The following OR4C6 variants were observed in gnomAD, a reference collection of about 807,000 sequenced individuals.
The protein encoded by OR4C6 is olfactory receptor 4C6.
A neutral mutation model predicts 13.9 loss-of-function variants in OR4C6; 20 were observed. The ratio of observed to expected loss-of-function variants is 1.43; its 90% CI spans 1.01 to 2.08. The LOEUF is 2.08. OR4C6 is among the 30% of genes most tolerant of loss of function. The pLI is 0.00. For synonymous variants in OR4C6, 193 were observed against 141.5 expected, an observed-to-expected ratio of 1.36 and a Z score of -2.58; for missense variants, 555 against 381.2, an observed-to-expected ratio of 1.46 and a Z score of -3.80.
chr11:55,662,201 C>T lies in OR4C6; in HGVS notation c.-90C>T, dbSNP rs1297344998. ...TACTACCTACCGTGCAAGAACATGC[C>T]ATGAAGGTGGCTGATGGTGTGATTC... On this transcript the variant is annotated 5_prime_UTR_variant, in exon 1 of 2. Coordinates refer to ENST00000314259, the MANE Select transcript of OR4C6 (RefSeq NM_001004704.2). 1 of 138,398 alleles carries T rather than the reference C, an allele frequency of 7.2e-6. No homozygotes were observed. The highest frequency in any genetic ancestry group is 2.5e-5 in the African/African-American group (1 of 39,752). The allele number at this position is 138,398 out of a possible 1,614,324, so 8.6% of individuals were successfully genotyped here.
rs1318633486 is a variant in OR4C6, at chr11:55,665,260, A to G, written c.94A>G (p.Met32Val). 1 of 1,612,502 alleles carries G rather than the reference A, an allele frequency of 6.2e-7. No homozygotes were observed. Among genetic ancestry groups the G allele is most frequent in the Non-Finnish European group, 8.5e-7 (1 of 1,178,830 alleles). The part of the protein sequence containing the change: ...WKIFSAVFLV[M>V]YVATVLENLL... Reference sequence around the variant, plus strand: ...AATATTTTCTGCTGTGTTTCTTGTCATGTATGTAGCCACAGTGCTGGAAAA... The same window carrying G: ...AATATTTTCTGCTGTGTTTCTTGTCGTGTATGTAGCCACAGTGCTGGAAAA... Residue 32 changes from methionine (M) to valine (V), a missense_variant, in exon 2 of 2, where the codon ATG (methionine) becomes GTG (valine). Met to Val is a conservative substitution (Grantham distance 21). Coordinates refer to ENST00000314259, the MANE Select transcript of OR4C6 (RefSeq NM_001004704.2).
intron 1 of OR4C6, among the ~76,000 whole-genome samples, chr11:55,662,554 C>A (rs116781604): frequency 7.2e-6 from 1 of 139,046 alleles, no homozygotes; most frequent in African/African-American, 2.5e-5. Context: ...ATAAGAGAAA[C>A]ATGTAATAAA....
Sources: gnomAD v4.1 joint callset for allele counts (sites outside exome capture counted in the v4.1 genomes callset) on GRCh38, gnomAD v4.1.1 for gene constraint, MANE v1.5 for transcripts, NCBI Gene and HGNC (gene_info 2026-07-23, HGNC 2026-07-21) for gene names.